The following DCLK3 variants were observed in gnomAD, a reference collection of about 807,000 sequenced individuals.
DCLK3 encodes the protein doublecortin like kinase 3, also known as serine/threonine-protein kinase DCLK3.
A neutral mutation model predicts 46.4 loss-of-function variants in DCLK3; 30 were observed. The observed-to-expected ratio is 0.65, with a 90% CI of 0.48 to 0.88. The LOEUF (loss-of-function observed/expected upper bound fraction) is 0.88. Ranked by LOEUF, DCLK3 falls within the 40% of genes least tolerant of loss-of-function variation. DCLK3 has a pLI of 0.00. For missense variants in DCLK3, 846 were observed against 907.1 expected, an observed-to-expected ratio of 0.93 and a Z score of 0.87; for synonymous variants, 401 against 339.2, an observed-to-expected ratio of 1.18 and a Z score of -2.00.
rs1174277647 is a variant in DCLK3 at position 36,738,396 on chromosome 3, T to G, written c.771A>C (p.Arg257Ser). 1.3e-6 allele frequency: 2 copies of G among 1,494,914 alleles called. No homozygotes were observed. The highest frequency in any genetic ancestry group is 1.8e-6 in the Non-Finnish European group (2 of 1,125,250). 92.6% of individuals were successfully genotyped at this position (1,494,914 alleles called of 1,614,324 possible). The stretch of plus-strand genomic sequence containing the variant: ...TCCCCCACTTCTTCTGGGTCCTCGC[T>G]CTGTCATCTAGTGAAAGCTCCTCGG... ...KIPEELSLDD[R>S]ARTQKKWGRG... The change falls in exon 2 of 5, where the codon AGA becomes AGC. Residue 257 changes from arginine (R) to serine (S), a missense_variant. Arg to Ser is a moderately radical substitution (Grantham distance 110, BLOSUM62 -1). Around this residue, in one of 3 missense-constraint regions of DCLK3, gnomAD observed 553 missense variants for 543.0 expected, o/e 1.02. Coordinates refer to ENST00000636136, the MANE Select transcript of DCLK3 (RefSeq NM_001394672.2).
intron 1 of DCLK3, among the ~76,000 whole-genome samples, chr3:36,757,398 A>C (rs573271110): frequency 2.6e-5 from 4 of 152,322 alleles, no homozygotes; most frequent in African/African-American, 9.6e-5. Flanking sequence ...CAGAAAACTA[A>C]TCTCACATTA....
At chr3:36,754,271 C>T (rs922293742) in intron 1 of DCLK3, among the ~76,000 whole-genome samples, 2 of 152,222 alleles carry the variant, frequency 1.3e-5, no homozygotes, top group Non-Finnish European at 2.9e-5. Flanking sequence ...CCTTGGACAT[C>T]AGTTGACTCC....
At chr3:36,759,182 TGGCC>T (rs1351329730) in intron 1 of DCLK3, among the ~76,000 whole-genome samples, 4 of 152,224 alleles carry the variant, frequency 2.6e-5, no homozygotes, top group Admixed American at 2.6e-4. Flanking sequence ...TGAGAAACTG[TGGCC>T]TCAGAATGAG....
intron 2 of DCLK3, among the ~76,000 whole-genome samples, chr3:36,731,071 G>A (rs904390459): frequency 6.6e-6 from 1 of 152,126 alleles, no homozygotes. Context: ...AATGCGAAGG[G>A]AAGCTAATGG....
intron 2 of DCLK3, among the ~76,000 whole-genome samples, chr3:36,732,896 C>A (rs1340723009): frequency 6.6e-6 from 1 of 152,026 alleles, no homozygotes; most frequent in Admixed American, 6.6e-5. Flanking sequence ...TCTTGTATAG[C>A]AAAATAGAAG....
At chr3:36,731,457 A>G (rs1039702740) in intron 2 of DCLK3, among the ~76,000 whole-genome samples, 16 of 146,680 alleles carry the variant, frequency 1.1e-4, no homozygotes, top group African/African-American at 4.2e-4. Flanking sequence ...GCGTGCACAC[A>G]CACACACACA....
intron 3 of DCLK3, among the ~76,000 whole-genome samples, chr3:36,719,429 G>A (rs933516222): frequency 1.3e-5 from 2 of 152,158 alleles, no homozygotes; most frequent in Non-Finnish European, 2.9e-5. Flanking sequence ...ACCTCTTTTG[G>A]TCTTTTCTCA....
chr3:36,727,551 C>T (rs987451576), intron 2 of DCLK3, among the ~76,000 whole-genome samples: 2 of 152,058 alleles, frequency 1.3e-5, no homozygotes, highest in African/African-American at 4.8e-5. Context: ...ATGATATGGA[C>T]CTATGTGAGA....
Position 36,714,212 on chromosome 3 carries a change from A to G in DCLK3, c.*1116T>C, listed in dbSNP as rs6803280. On this transcript the variant is annotated 3_prime_UTR_variant, in exon 5 of 5. Transcript: ENST00000636136. ...TCCTTATGTTGAATTCTCTAGTACT[A>G]TTCCGGTTTTCCTAACTAACACACG... is the stretch of plus-strand genomic sequence containing the variant. 0.79 allele frequency: 119,469 copies of G among 152,178 alleles called. 46,958 individuals carry two copies. The highest frequency in any genetic ancestry group is 0.82 in the Middle Eastern group (242 of 294). The allele number at this position is 152,178 out of a possible 1,614,324, so 9.4% of individuals were successfully genotyped here.
intron 1 of DCLK3, among the ~76,000 whole-genome samples, chr3:36,760,470 C>G (rs1395110771): frequency 2.4e-5 from 3 of 124,768 alleles, no homozygotes; most frequent in Admixed American, 9.6e-5. Flanking sequence ...ACACCGGGAC[C>G]TGTTGTGGGG....
intron 1 of DCLK3, among the ~76,000 whole-genome samples, chr3:36,753,362 T>C (rs547145588): frequency 4.3e-4 from 65 of 152,266 alleles, no homozygotes; most frequent in Non-Finnish European, 3.7e-4. Flanking sequence ...AGCCCACACA[T>C]CGCGTTTGTG....
In DCLK3 at chr3:36,715,322, T is replaced by C. The variant is rs767530225; in HGVS notation, c.*6A>G. The C allele has an allele frequency of 1.9e-6, 3 of 1,614,010 alleles. No individual in the cohort carries two copies. In the African/African-American group the frequency reaches 4.0e-5, roughly 22 times the overall value. On this transcript the variant is annotated 3_prime_UTR_variant, in exon 5 of 5. Coordinates refer to ENST00000636136, the MANE Select transcript of DCLK3 (RefSeq NM_001394672.2). ...CTGGGGGCTGGACAGATTCCCAAGG[T>C]GGTGACTATGATACCTGCTCCACAA... is the stretch of plus-strand genomic sequence containing the variant.
intron 1 of DCLK3, among the ~76,000 whole-genome samples, chr3:36,762,528 C>G (rs949183520): frequency 2.0e-5 from 3 of 152,170 alleles, no homozygotes; most frequent in Non-Finnish European, 4.4e-5. Flanking sequence ...CAAAGGATGT[C>G]ATGCTTCAGA....
intron 2 of DCLK3, among the ~76,000 whole-genome samples, chr3:36,722,722 A>G (rs1701077521): frequency 6.6e-6 from 1 of 152,196 alleles, no homozygotes; most frequent in African/African-American, 2.4e-5. Flanking sequence ...TCTTTGCCTG[A>G]TGCCATCCAT....
intron 2 of DCLK3, among the ~76,000 whole-genome samples, chr3:36,727,206 T>C (rs1575137425): frequency 1.3e-5 from 2 of 152,086 alleles, no homozygotes; most frequent in African/African-American, 2.4e-5. Flanking sequence ...GGAGAATCAC[T>C]TGAACCCCGG....
rs564471169 is a variant in DCLK3, at chr3:36,753,932, G to A, written c.82+10250C>T. 5.2e-4 allele frequency among the ~76,000 whole-genome samples: 79 copies of A among 152,202 alleles called. 1 individual carries two copies. The highest frequency in any genetic ancestry group is 1.9e-3 in the African/African-American group (77 of 41,518). ...GGGCTCAAGTGACCTCTCGCGCCTC[G>A]GCCTCCCAAATTGCTGGGATTATAG... On this transcript the variant is annotated intron_variant, in intron 1 of 4. Transcript: ENST00000636136.
intron 2 of DCLK3, among the ~76,000 whole-genome samples, chr3:36,728,642 G>C (rs1272048224): frequency 6.6e-6 from 1 of 152,148 alleles, no homozygotes; most frequent in Non-Finnish European, 1.5e-5. Context: ...CAGGCCTTCA[G>C]ACTTGGGCTG....
At chr3:36,748,017 C>T (rs1005260745) in intron 1 of DCLK3, among the ~76,000 whole-genome samples, 1 of 152,184 alleles carries the variant, frequency 6.6e-6, no homozygotes, top group Non-Finnish European at 1.5e-5. Flanking sequence ...GTGAGGGGAT[C>T]ATAAAGCCCT....
At chr3:36,720,731 G>A (rs1441654792) in intron 3 of DCLK3, among the ~76,000 whole-genome samples, 7 of 151,906 alleles carry the variant, frequency 4.6e-5, no homozygotes, top group South Asian at 2.1e-4. Context: ...GGTTTCAAAT[G>A]CCTGACCTCA....
Sources: gnomAD v4.1 joint callset for allele counts (sites outside exome capture counted in the v4.1 genomes callset) on GRCh38, gnomAD v4.1.1 for gene constraint, gnomAD v4.1.1 regional missense constraint, MANE v1.5 for transcripts, NCBI Gene and HGNC (gene_info 2026-07-23, HGNC 2026-07-21) for gene names.